The following SYNM variants were observed in gnomAD, a reference collection of about 807,000 sequenced individuals.
SYNM encodes the protein desmuslin.
SYNM carries 95 observed loss-of-function variants against 104.0 expected under a neutral mutation model. The ratio of observed to expected loss-of-function variants is 0.91; its 90% CI spans 0.77 to 1.08. The LOEUF is 1.08. SYNM is among the 50% of genes least tolerant of loss of function. The pLI is 0.00. For missense variants in SYNM, 2,150 were observed against 2,052.2 expected, an observed-to-expected ratio of 1.05 and a Z score of -0.92; for synonymous variants, 918 against 869.0, an observed-to-expected ratio of 1.06 and a Z score of -0.99.
At chr15:99,123,099 T>G (rs1232029444) in intron 2 of SYNM, among the ~76,000 whole-genome samples, 3 of 152,140 alleles carry the variant, frequency 2.0e-5, no homozygotes, top group African/African-American at 7.2e-5. Context: ...GCTTCTTGAT[T>G]AATTCCTACT....
chr15:99,109,229 G>C (rs2067278254), intron 1 of SYNM, among the ~76,000 whole-genome samples: 1 of 152,228 alleles, frequency 6.6e-6, no homozygotes, highest in Non-Finnish European at 1.5e-5. Context: ...ATTTGCCCGA[G>C]AAGAGTTTGC....
chr15:99,130,364 CACTT>C lies in SYNM; in HGVS notation c.2007_2010del (p.Tyr670TrpfsTer16). ...CTGATTCTTTTCCAGACACAAAAGT[CACTT>C]ACGTGGACAGGAAAGAGCTTCCTGG... On this transcript the variant is annotated frameshift_variant, in exon 4 of 4. Transcript: ENST00000336292. LOFTEE classifies it high-confidence loss of function. 2 of 1,613,674 alleles carry C rather than the reference CACTT, an allele frequency of 1.2e-6. No homozygotes were observed. The highest frequency in any genetic ancestry group is 1.7e-6 in the Non-Finnish European group (2 of 1,179,728).
intron 2 of SYNM, among the ~76,000 whole-genome samples, chr15:99,118,648 A>C (rs1038803621): frequency 1.2e-4 from 19 of 152,184 alleles, no homozygotes; most frequent in African/African-American, 3.9e-4. Flanking sequence ...AAATAATATA[A>C]TTGTATACTT....
Position 99,105,362 on chromosome 15 carries a change from G to A in SYNM, c.163G>A (p.Glu55Lys), listed in dbSNP as rs1555482372. The part of the protein sequence containing the change: ...GRRGREGLWA[E>K]GQARCAEEAR... The stretch of plus-strand genomic sequence containing the variant: ...GCGCGGGCGAGAGGGCCTGTGGGCC[G>A]AGGGGCAGGCCCGCTGCGCCGAGGA... Residue 55 changes from glutamate to lysine, a missense_variant, in exon 1 of 4, where the codon GAG becomes AAG. Glu to Lys is a moderately conservative substitution (Grantham distance 56). Transcript: ENST00000336292. 14 of 1,532,818 alleles carry A rather than the reference G, an allele frequency of 9.1e-6. No individual in the cohort carries two copies. The highest frequency in any genetic ancestry group is 2.8e-5 in the African/African-American group (2 of 71,970). The allele number at this position is 1,532,818 out of a possible 1,614,324, so 95.0% of individuals were successfully genotyped here.
intron 2 of SYNM, among the ~76,000 whole-genome samples, chr15:99,120,964 A>G (rs1435279548): frequency 2.0e-5 from 3 of 152,130 alleles, no homozygotes; most frequent in African/African-American, 7.2e-5. Context: ...TAACAGGGAA[A>G]GCTATCCATG....
At chr15:99,128,907 T>A (rs1286566455) in intron 3 of SYNM, 1 of 160,900 alleles carries the variant, frequency 6.2e-6, no homozygotes, top group Admixed American at 5.9e-5. Flanking sequence ...TATTAAATAG[T>A]GGAGGATAAT....
At chr15:99,118,575 A>G (rs1555484197) in intron 2 of SYNM, among the ~76,000 whole-genome samples, 1 of 152,152 alleles carries the variant, frequency 6.6e-6, no homozygotes, top group African/African-American at 2.4e-5. Flanking sequence ...ACACCTCCCA[A>G]CCCAGATCTT....
rs781996679 is a variant in SYNM, at chr15:99,131,795, C to T, written c.3435C>T (p.Pro1145=). 6.2e-7 allele frequency: 1 copy of T among 1,613,990 alleles called. No homozygotes were observed. Among genetic ancestry groups the T allele is most frequent in the Non-Finnish European group, 8.5e-7 (1 of 1,179,902 alleles). ...WRTERMSYEG[P]TAEVVEVSAG... is the part of the protein sequence containing the mutation. The stretch of plus-strand genomic sequence containing the variant: ...CTGAGCGAATGTCATATGAAGGACC[C>T]ACTGCAGAAGTGGTGGAGGTAAGTG... Residue 1145 remains proline (P), a synonymous_variant, in exon 4 of 4, where the codon CCC becomes CCT. Coordinates refer to ENST00000336292, the MANE Select transcript of SYNM (RefSeq NM_145728.3). This position sits in a 1 kb window ranked among gnomAD's most constrained non-coding sequence, Gnocchi z 4.3.
Position 99,130,887 on chromosome 15 carries a change from G to T in SYNM, c.2527G>T (p.Asp843Tyr). 1 of 1,613,928 alleles carries T rather than the reference G, an allele frequency of 6.2e-7. No individual in the cohort carries two copies. Among genetic ancestry groups the T allele is most frequent in the East Asian group, 2.2e-5 (1 of 44,876 alleles). Residue 843 changes from aspartate to tyrosine, a missense_variant, in exon 4 of 4, where the codon GAC (aspartate) becomes TAC (tyrosine). Transcript: ENST00000336292. ...TCCAGATGAACACCCCGGGGGGCACGACAGAGATGACGGCTCGGTGTACGG... is the reference window on the plus strand; with the variant it reads ...TCCAGATGAACACCCCGGGGGGCACTACAGAGATGACGGCTCGGTGTACGG... The part of the protein sequence containing the change: ...STPDEHPGGH[D>Y]RDDGSVYGQI...
In SYNM at chr15:99,117,118, C is replaced by T. The variant is rs79257543; in HGVS notation, c.935+3403C>T. ...CTTCCTCTAGGCCCCACCTTCAACA[C>T]GGAGGTCACATTTCAACATGAGATT... On this transcript the variant is annotated intron_variant, in intron 2 of 3. Coordinates refer to ENST00000336292, the MANE Select transcript of SYNM (RefSeq NM_145728.3). 6.9e-3 allele frequency among the ~76,000 whole-genome samples: 1,026 copies of T among 148,596 alleles called. 163 individuals are homozygous for T. The highest frequency in any genetic ancestry group is 0.011 in the Non-Finnish European group (712 of 66,610).
At chr15:99,140,159 C>G (rs1555489629), downstream of SYNM, 1 of 161,844 alleles carries the variant, frequency 6.2e-6, no homozygotes, top group African/African-American at 2.4e-5. Flanking sequence ...GCAGAGAGCC[C>G]AAGCCTTGAC....
chr15:99,114,121 A>G (rs1252663039), intron 2 of SYNM, among the ~76,000 whole-genome samples: 3 of 152,228 alleles, frequency 2.0e-5, no homozygotes, highest in Non-Finnish European at 2.9e-5. Flanking sequence ...TCACACCGCT[A>G]TAAAGATCCT....
intron 1 of SYNM, among the ~76,000 whole-genome samples, chr15:99,113,056 C>G (rs1423363937): frequency 6.6e-6 from 1 of 152,214 alleles, no homozygotes; most frequent in African/African-American, 2.4e-5. Context: ...CATTTATGCC[C>G]AGAATGCATT....
chr15:99,137,954 C>T (rs782340219), downstream of SYNM: 9 of 1,608,048 alleles, frequency 5.6e-6, no homozygotes, highest in East Asian at 1.6e-4. Flanking sequence ...GTGATTTGTA[C>T]AGCACCCTAA....
chr15:99,130,878 G>C lies in SYNM; in HGVS notation c.2518G>C (p.Gly840Arg), dbSNP rs371126107. The C allele has an allele frequency of 1.9e-6, 3 of 1,613,924 alleles. No individual in the cohort carries two copies. Among genetic ancestry groups the C allele is most frequent in the East Asian group, 2.2e-5 (1 of 44,870 alleles). Reference protein sequence around the residue: ...YFVSTPDEHPGGHDRDDGSVY... With the variant: ...YFVSTPDEHPRGHDRDDGSVY... ...TGTGTCCACTCCAGATGAACACCCC[G>C]GGGGGCACGACAGAGATGACGGCTC... Residue 840 changes from glycine to arginine, a missense_variant, in exon 4 of 4, where the codon GGG (glycine) becomes CGG (arginine). By Grantham distance (125) the Gly-to-Arg change is moderately radical (BLOSUM62 -2). Coordinates refer to ENST00000336292, the MANE Select transcript of SYNM (RefSeq NM_145728.3).
At chr15:99,127,878 G>C (rs1555485196) in intron 3 of SYNM, among the ~76,000 whole-genome samples, 1 of 152,140 alleles carries the variant, frequency 6.6e-6, no homozygotes. Context: ...AGGAAGAAAA[G>C]GGCCCAGGAG....
Position 99,132,192 on chromosome 15 carries a change from C to T in SYNM, c.3832C>T (p.Gln1278Ter). Residue 1278 changes from glutamine to a stop codon, truncating the protein, a stop_gained, in exon 4 of 4, where the codon CAG (glutamine) becomes TAG (stop). Transcript: ENST00000336292. LOFTEE classifies it high-confidence loss of function. ...TAAAGAAGGGTTCAGTGGGCAAATC[C>T]AGTTCACAGCTCCACTTTCAGACAA... ...GPKEGFSGQI[Q>*]FTAPLSDKVE... 1 of 1,613,482 alleles carries T rather than the reference C, an allele frequency of 6.2e-7. No homozygotes were observed. The highest frequency in any genetic ancestry group is 8.5e-7 in the Non-Finnish European group (1 of 1,179,480).
At chr15:99,138,438 C>T (rs1410697875), downstream of SYNM, among the ~76,000 whole-genome samples, 3 of 152,040 alleles carry the variant, frequency 2.0e-5, no homozygotes, top group Non-Finnish European at 4.4e-5. Context: ...CTCAGTCTCC[C>T]GAGTAGCCAG....
At chr15:99,106,138 G>A in intron 1 of SYNM, 129 bp downstream of exon 1, 1 of 1,031,678 alleles carries the variant, frequency 9.7e-7, no homozygotes, top group Non-Finnish European at 1.3e-6. Flanking sequence ...GGCCCGCCCA[G>A]AGGGTGCCCG....
Sources: gnomAD v4.1 joint callset for allele counts (sites outside exome capture counted in the v4.1 genomes callset) on GRCh38, gnomAD v4.1.1 for gene constraint, Gnocchi (gnomAD v3.1) non-coding constraint, MANE v1.5 for transcripts, NCBI Gene and HGNC (gene_info 2026-07-23, HGNC 2026-07-21) for gene names.